The following KLHL13 variants were observed in gnomAD, a reference collection of about 807,000 sequenced individuals.
The protein encoded by KLHL13 is kelch like family member 13, also known as kelch-like protein 13.
In KLHL13, 10 loss-of-function variants were observed where a neutral mutation model predicts 37.1. The observed-to-expected ratio is 0.27, with a 90% CI of 0.17 to 0.46. KLHL13 has a LOEUF of 0.46. Ranked by LOEUF, KLHL13 falls within the 20% of genes least tolerant of loss-of-function variation. The pLI is 1.00. For synonymous variants in KLHL13, 163 were observed against 181.2 expected, an observed-to-expected ratio of 0.90 and a Z score of 0.81; for missense variants, 360 against 509.3, an observed-to-expected ratio of 0.71 and a Z score of 2.82.
At chrX:118,014,339 G>A (rs1375897115) in intron 1 of KLHL13, among the ~76,000 whole-genome samples, 1 of 111,651 alleles carries the variant, frequency 9.0e-6, no homozygotes, top group Non-Finnish European at 1.9e-5. Flanking sequence ...TTGAGATAAG[G>A]ACTGAAATAC....
Position 118,024,534 on chromosome X carries a change from T to A in KLHL13, c.-55-78959A>T, listed in dbSNP as rs776559163. 8.9e-5 allele frequency among the ~76,000 whole-genome samples: 10 copies of A among 111,823 alleles called. No individual in the cohort carries two copies. In the South Asian group the frequency reaches 3.8e-3, roughly 42 times the overall value. ...ATATCCAGAGTGAACTAAAACCTCCTAATAATCAAAATAAAATAATAACCC... is the reference window on the plus strand; with the variant it reads ...ATATCCAGAGTGAACTAAAACCTCCAAATAATCAAAATAAAATAATAACCC... On this transcript the variant is annotated intron_variant, in intron 1 of 6. Transcript: ENST00000371882.
At chrX:118,043,135 G>A (rs1389949778) in intron 1 of KLHL13, among the ~76,000 whole-genome samples, 2 of 111,082 alleles carry the variant, frequency 1.8e-5, no homozygotes, top group African/African-American at 6.5e-5. Context: ...TTGGAAAATC[G>A]AGAATAAATT....
intron 1 of KLHL13, among the ~76,000 whole-genome samples, chrX:118,012,887 C>G (rs910137428): frequency 9.8e-5 from 11 of 111,699 alleles, no homozygotes; most frequent in South Asian, 3.8e-4. Flanking sequence ...ATATGGAATT[C>G]TTCTGTAAGG....
At chrX:118,104,927 AT>A (rs923221659) in intron 1 of KLHL13, among the ~76,000 whole-genome samples, 6 of 112,417 alleles carry the variant, frequency 5.3e-5, no homozygotes, top group Admixed American at 4.7e-4. Flanking sequence ...GCCGTTAAAT[AT>A]TTTTTTCGAC....
chrX:117,905,102 A>G (rs1261776838), intron 5 of KLHL13, among the ~76,000 whole-genome samples: 4 of 111,376 alleles, frequency 3.6e-5, no homozygotes, highest in Non-Finnish European at 7.5e-5. Flanking sequence ...CTCTAGAAAC[A>G]TAGAACGCTG....
At chrX:118,048,178 T>C (rs1454261365) in intron 1 of KLHL13, among the ~76,000 whole-genome samples, 1 of 111,572 alleles carries the variant, frequency 9.0e-6, no homozygotes, top group Non-Finnish European at 1.9e-5. Context: ...GGATGAGACA[T>C]AATGTACAAG....
chrX:118,041,209 C>A (rs1032784858), intron 1 of KLHL13, among the ~76,000 whole-genome samples: 6 of 112,225 alleles, frequency 5.3e-5, no homozygotes, highest in Admixed American at 3.8e-4. Context: ...CTTTTCACAG[C>A]ATAAACAGTA....
upstream of KLHL13, among the ~76,000 whole-genome samples, chrX:117,977,333 G>A (rs909782736): frequency 8.9e-6 from 1 of 111,824 alleles, no homozygotes; most frequent in Non-Finnish European, 1.9e-5. Context: ...CAGTATAAGA[G>A]AAAACGTAAA....
intron 1 of KLHL13, among the ~76,000 whole-genome samples, chrX:118,072,921 C>G (rs2054886321): frequency 9.1e-6 from 1 of 110,131 alleles, no homozygotes; most frequent in Admixed American, 9.7e-5. Flanking sequence ...CAGTGAGACC[C>G]CCATGTCTCC....
chrX:118,114,197 C>G lies in KLHL13; in HGVS notation c.-56+2311G>C, dbSNP rs1460742937. Among the ~76,000 whole-genome samples, 3 of 112,345 alleles carry G rather than the reference C, an allele frequency of 2.7e-5. No homozygotes were observed. The South Asian group carries it at 1.1e-3, about 41-fold the overall frequency. On this transcript the variant is annotated intron_variant, in intron 1 of 6. Coordinates refer to the KLHL13 transcript ENST00000371882. ...AAAATCAAACAATTTGAAAATTGGT[C>G]AGTCTCATTTCACTACTGCAAGTCA...
At chrX:117,985,231 G>T in intron 1 of KLHL13, 1 of 1,119,961 alleles carries the variant, frequency 8.9e-7, no homozygotes, top group Non-Finnish European at 1.2e-6. Context: ...GAAAAGAAAG[G>T]TCTCTTACCA....
At chrX:117,914,646 A>G (rs1300484873) in intron 4 of KLHL13, among the ~76,000 whole-genome samples, 1 of 111,943 alleles carries the variant, frequency 8.9e-6, no homozygotes, top group African/African-American at 3.3e-5. Flanking sequence ...TGGTAAGAAC[A>G]AAGGGATAAT....
At chrX:118,095,299 A>C (rs1278872307) in intron 1 of KLHL13, among the ~76,000 whole-genome samples, 1 of 111,026 alleles carries the variant, frequency 9.0e-6, no homozygotes, top group African/African-American at 3.3e-5. Flanking sequence ...AAAGAAGGCC[A>C]TTACATAATG....
chrX:117,954,143 G>A (rs1353235995), intron 1 of KLHL13, among the ~76,000 whole-genome samples: 5 of 111,709 alleles, frequency 4.5e-5, no homozygotes, highest in Non-Finnish European at 9.4e-5. Context: ...AAATCAAAAG[G>A]CATTTCCACT....
At chrX:117,968,408 C>T (rs1238809621) in intron 1 of KLHL13, among the ~76,000 whole-genome samples, 1 of 111,333 alleles carries the variant, frequency 9.0e-6, no homozygotes, top group African/African-American at 3.3e-5. Context: ...CTTTTAAGGT[C>T]ACTTCTATCT....
intron 6 of KLHL13, 106 bp from the exon 8 acceptor site, chrX:117,899,501 C>A: frequency 3.2e-6 from 2 of 627,956 alleles, no homozygotes; most frequent in Non-Finnish European, 2.5e-6. Flanking sequence ...ATGACATATA[C>A]CTTATCAATA....
chrX:117,983,465 G>A (rs2053688464), intron 1 of KLHL13: 2 of 1,029,623 alleles, frequency 1.9e-6, no homozygotes, highest in Admixed American at 3.5e-5. Context: ...GAAAAATGTA[G>A]ACCCCTGGAC....
At chrX:118,081,176 G>C (rs1423387973) in intron 1 of KLHL13, among the ~76,000 whole-genome samples, 2 of 111,679 alleles carry the variant, frequency 1.8e-5, no homozygotes, top group African/African-American at 6.5e-5. Flanking sequence ...CATGCTACCT[G>C]AGTGCGATAT....
At chrX:117,973,010 T>C (rs999809612) in exon 1 of KLHL13, 1 of 1,061,423 alleles carries the variant, frequency 9.4e-7, no homozygotes, top group Non-Finnish European at 1.2e-6. Flanking sequence ...GGTACCTCCT[T>C]AAATTCTTCT....
Sources: allele counts gnomAD v4.1 joint callset (sites outside exome capture counted in the v4.1 genomes callset), GRCh38; gene constraint gnomAD v4.1.1; transcripts MANE v1.5; gene names NCBI Gene and HGNC (gene_info 2026-07-23, HGNC 2026-07-21).